SLCO3A1: variants seen among roughly 807,000 people sequenced by gnomAD.
SLCO3A1 encodes PGE1 transporter.
Under a neutral mutation model 63.1 loss-of-function variants are expected in SLCO3A1, and 27 were observed. The observed-to-expected ratio is 0.43, with a 90% CI of 0.32 to 0.59. The LOEUF is 0.59. SLCO3A1 is among the 20% of genes least tolerant of loss of function. The pLI is 0.09. For missense variants in SLCO3A1, 773 were observed against 945.8 expected (o/e 0.82, Z 2.40); for synonymous variants, 473 against 409.9 (o/e 1.15, Z -1.86).
intron 7 of SLCO3A1, among the ~76,000 whole-genome samples, chr15:92,142,825 T>C (rs1010538970): frequency 2.0e-5 from 3 of 152,118 alleles, no homozygotes; most frequent in African/African-American, 7.2e-5. Context: ...TCAGGAGGGA[T>C]TTAACACTTT....
In SLCO3A1 at chr15:91,894,705, G is replaced by A. The variant is rs572667181; in HGVS notation, c.181-21288G>A. Among the ~76,000 whole-genome samples, 64 of 152,314 alleles carry A rather than the reference G, an allele frequency of 4.2e-4. No homozygotes were observed. The highest frequency in any genetic ancestry group is 1.4e-3 in the African/African-American group (60 of 41,568). ...TAGAATTTGACTCTGTGGGTCTGGG[G>A]CAGGGTCTGAGATTTTTGAATTTCT... is the stretch of plus-strand genomic sequence containing the variant. On this transcript the variant is annotated intron_variant, in intron 1 of 9. Coordinates refer to ENST00000318445, the MANE Select transcript of SLCO3A1 (RefSeq NM_013272.4). This position sits in a 1 kb window ranked among gnomAD's most constrained non-coding sequence, Gnocchi z 4.8.
intron 3 of SLCO3A1, 40 bp downstream of exon 3, chr15:92,095,019 C>T (rs750914605): frequency 2.9e-6 from 4 of 1,363,466 alleles, no homozygotes; most frequent in Non-Finnish European, 4.2e-6. Flanking sequence ...CATCCGCAAG[C>T]GTTTCCTCCC....
rs964649814 is a variant in SLCO3A1 at position 91,894,712 on chromosome 15, C to G, written c.181-21281C>G. On this transcript the variant is annotated intron_variant, in intron 1 of 9. Coordinates refer to ENST00000318445, the MANE Select transcript of SLCO3A1 (RefSeq NM_013272.4). This position sits in a 1 kb window ranked among gnomAD's most constrained non-coding sequence, Gnocchi z 4.8. ...TGACTCTGTGGGTCTGGGGCAGGGT[C>G]TGAGATTTTTGAATTTCTAAAAGGC... Among the ~76,000 whole-genome samples the G allele has an allele frequency of 6.6e-6, 1 of 152,178 alleles. No homozygotes were observed. The highest frequency in any genetic ancestry group is 2.4e-5 in the African/African-American group (1 of 41,446).
At chr15:91,943,906 C>T (rs7180739) in intron 2 of SLCO3A1, among the ~76,000 whole-genome samples, 53,530 of 152,046 alleles carry the variant, frequency 0.35, 10,463 homozygotes, top group East Asian at 0.81. Flanking sequence ...CTGGTGACTG[C>T]CTCCCATGTT....
At chr15:92,075,223 G>A (rs993369155) in intron 2 of SLCO3A1, among the ~76,000 whole-genome samples, 1 of 152,198 alleles carries the variant, frequency 6.6e-6, no homozygotes, top group Non-Finnish European at 1.5e-5. Context: ...TATTCCCCAT[G>A]ACAGTGTTCC....
chr15:92,082,340 G>A (rs557499074), intron 2 of SLCO3A1, among the ~76,000 whole-genome samples: 25 of 152,312 alleles, frequency 1.6e-4, no homozygotes, highest in African/African-American at 5.3e-4. Context: ...GAAGGCAAGT[G>A]GGTGATGAGA....
intron 2 of SLCO3A1, among the ~76,000 whole-genome samples, chr15:91,966,478 C>T (rs1345607834): frequency 6.6e-6 from 1 of 152,340 alleles, no homozygotes; most frequent in African/African-American, 2.4e-5. Context: ...TGCAACATCA[C>T]TGTCCCCAGG....
rs1360062323 is a variant in SLCO3A1 at position 92,099,452 on chromosome 15, A to G, written c.745+4473A>G. Among the ~76,000 whole-genome samples, 5 of 60,554 alleles carry G rather than the reference A, an allele frequency of 8.3e-5. No homozygotes were observed. The East Asian group carries it at 2.5e-3, about 30-fold the overall frequency. The allele number at this position is 60,554 out of a possible 152,430, so 39.7% of individuals were successfully genotyped here. A position where few individuals can be genotyped will look rare whatever the true frequency, so the allele number is the denominator to read the frequency against. On this transcript the variant is annotated intron_variant, in intron 3 of 9. Transcript: ENST00000318445. ...AAACAAATGGGTAAATGAACTACAA[A>G]AAAAAAAAAGTCCATATGGCACAGG... is the stretch of plus-strand genomic sequence containing the variant.
At position 92,138,781 on chromosome 15, in the gene SLCO3A1, G is replaced by A. The variant is rs1256123931; in HGVS notation, c.1513-8203G>A. Among the ~76,000 whole-genome samples the A allele has an allele frequency of 3.4e-5, 3 of 87,582 alleles. 1 individual carries two copies. The highest frequency in any genetic ancestry group is 6.2e-5 in the Non-Finnish European group (3 of 48,590). 57.5% of individuals were successfully genotyped at this position (87,582 alleles called of 152,430 possible). A position where few individuals can be genotyped will look rare whatever the true frequency, so the allele number is the denominator to read the frequency against. On this transcript the variant is annotated intron_variant, in intron 7 of 9. Coordinates refer to ENST00000318445, the MANE Select transcript of SLCO3A1 (RefSeq NM_013272.4). ...TCATGATTTGGCTCTCTGTTTGTCT[G>A]TTGTTGGTGTATAAGAATGCTTGTG...
At chr15:91,909,664 T>C (rs1898421337) in intron 1 of SLCO3A1, among the ~76,000 whole-genome samples, 1 of 152,162 alleles carries the variant, frequency 6.6e-6, no homozygotes, top group Non-Finnish European at 1.5e-5. Context: ...GACTTTAAAA[T>C]GCAGGCTCTC....
At chr15:92,006,488 CT>C (rs1169573218) in intron 2 of SLCO3A1, among the ~76,000 whole-genome samples, 1 of 152,168 alleles carries the variant, frequency 6.6e-6, no homozygotes, top group African/African-American at 2.4e-5. Context: ...CTCTGTGAGT[CT>C]TTTTCCCACA....
intron 2 of SLCO3A1, among the ~76,000 whole-genome samples, chr15:92,039,517 A>T (rs768238838): frequency 2.6e-5 from 4 of 152,232 alleles, no homozygotes; most frequent in Non-Finnish European, 5.9e-5. Flanking sequence ...AACGACAATG[A>T]GATAGTGTTT....
At chr15:91,955,165 T>C (rs10775255) in intron 2 of SLCO3A1, among the ~76,000 whole-genome samples, 96,329 of 151,888 alleles carry the variant, frequency 0.63, 31,180 homozygotes, top group African/African-American at 0.76. Context: ...GTCCTGTTGT[T>C]GTTCTCAGCT....
At chr15:91,881,529 C>T (rs1297681887) in intron 1 of SLCO3A1, among the ~76,000 whole-genome samples, 2 of 151,558 alleles carry the variant, frequency 1.3e-5, no homozygotes, top group African/African-American at 4.9e-5. Flanking sequence ...GACTAACCCG[C>T]CCCCTTCCCT....
intron 2 of SLCO3A1, among the ~76,000 whole-genome samples, chr15:92,002,136 G>A (rs1466651112): frequency 2.0e-5 from 3 of 152,204 alleles, no homozygotes; most frequent in Admixed American, 6.5e-5. Context: ...CAGTGAGGAT[G>A]TGAGATTTTT....
rs71912147 is a variant in SLCO3A1 at position 91,873,531 on chromosome 15, T to TACACACACAC, written c.180+19469_180+19478dup. Among the ~76,000 whole-genome samples, 1,252 of 146,714 alleles carry TACACACACAC rather than the reference T, an allele frequency of 8.5e-3. 8 individuals carry two copies. Among genetic ancestry groups the TACACACACAC allele is most frequent in the African/African-American group, 0.024 (973 of 39,922 alleles). ...TGCTTCATATATACAGCTACATTCA[T>TACACACACAC]ACACACACACACACACACACACACA... On this transcript the variant is annotated intron_variant, in intron 1 of 9. Transcript: ENST00000318445.
intron 7 of SLCO3A1, among the ~76,000 whole-genome samples, chr15:92,141,122 T>G (rs2048126059): frequency 6.6e-6 from 1 of 152,110 alleles, no homozygotes. Flanking sequence ...ATGGTACATT[T>G]TATTGACAGT....
chr15:92,104,973 G>GGGAT (rs1176394042), intron 4 of SLCO3A1, among the ~76,000 whole-genome samples: 6 of 150,824 alleles, frequency 4.0e-5, no homozygotes, highest in Admixed American at 6.6e-5. Context: ...CGCGGTGGCT[G>GGGAT]TAATCCCAGC....
At position 91,966,052 on chromosome 15, in the gene SLCO3A1, G is replaced by A. The variant is rs557253751; in HGVS notation, c.646+49594G>A. On this transcript the variant is annotated intron_variant, in intron 2 of 9. Coordinates refer to ENST00000318445, the MANE Select transcript of SLCO3A1 (RefSeq NM_013272.4). Reference sequence around the variant, plus strand: ...GTTCATTCCGTGAGTCATCCAGAAGGCATCAGAGCCTCGTCATTTTGGCAG... The same window carrying A: ...GTTCATTCCGTGAGTCATCCAGAAGACATCAGAGCCTCGTCATTTTGGCAG... Among the ~76,000 whole-genome samples, 14 of 152,218 alleles carry A rather than the reference G, an allele frequency of 9.2e-5. No homozygotes were observed. The South Asian group carries it at 2.5e-3, about 27-fold the overall frequency.
Sources: allele counts gnomAD v4.1 joint callset (sites outside exome capture counted in the v4.1 genomes callset), GRCh38; gene constraint gnomAD v4.1.1; non-coding constraint Gnocchi (gnomAD v3.1); transcripts MANE v1.5; gene names NCBI Gene and HGNC (gene_info 2026-07-23, HGNC 2026-07-21).